Variants in NLGN1 observed in about 807,000 individuals in gnomAD.
The protein encoded by NLGN1 is neuroligin 1.
In NLGN1, 12 loss-of-function variants were observed where a neutral mutation model predicts 65.5. That is an observed-to-expected ratio of 0.18 (90% CI 0.12 to 0.30). NLGN1 has a LOEUF of 0.30. NLGN1 is among the 10% of genes least tolerant of loss of function. NLGN1 has a pLI of 1.00. For synonymous variants in NLGN1, 350 were observed against 359.5 expected, an observed-to-expected ratio of 0.97 and a Z score of 0.30; for missense variants, 750 against 1,007.1, an observed-to-expected ratio of 0.74 and a Z score of 3.46.
intron 2 of NLGN1, among the ~76,000 whole-genome samples, chr3:173,440,510 C>T (rs570605767): frequency 3.8e-4 from 58 of 152,148 alleles, no homozygotes; most frequent in Non-Finnish European, 6.3e-4. Flanking sequence ...GTTGAAATTC[C>T]CTCTTAATCT....
chr3:173,476,562 G>A (rs913198040), intron 2 of NLGN1, among the ~76,000 whole-genome samples: 3 of 152,146 alleles, frequency 2.0e-5, no homozygotes, highest in Non-Finnish European at 2.9e-5. Flanking sequence ...AGCGTTTGGG[G>A]AACTGTGTAA....
intron 2 of NLGN1, among the ~76,000 whole-genome samples, chr3:173,505,043 C>T (rs755666278): frequency 1.3e-5 from 2 of 151,776 alleles, no homozygotes; most frequent in East Asian, 1.9e-4. Context: ...TATGCCCTTC[C>T]CCCACCCCTT....
intron 4 of NLGN1, among the ~76,000 whole-genome samples, chr3:173,849,089 T>C (rs1170609243): frequency 1.3e-5 from 2 of 152,144 alleles, no homozygotes; most frequent in African/African-American, 4.8e-5. Context: ...CCTTGGACTA[T>C]AGATAATTTT....
chr3:173,664,183 A>T (rs1761375985), intron 3 of NLGN1, among the ~76,000 whole-genome samples: 1 of 152,076 alleles, frequency 6.6e-6, no homozygotes, highest in Non-Finnish European at 1.5e-5. Flanking sequence ...TTTCTGAATA[A>T]TAAAAATCAT....
At chr3:173,610,338 T>G (rs1752094261) in intron 3 of NLGN1, among the ~76,000 whole-genome samples, 2 of 151,914 alleles carry the variant, frequency 1.3e-5, no homozygotes, top group Admixed American at 1.3e-4. Context: ...TAAGTTTAGT[T>G]TTGGACATGT....
At chr3:173,847,657 A>T (rs1183448436) in intron 4 of NLGN1, among the ~76,000 whole-genome samples, 2 of 152,276 alleles carry the variant, frequency 1.3e-5, no homozygotes, top group East Asian at 3.9e-4. Context: ...AGATCACCTG[A>T]GGGCAGGAGT....
intron 4 of NLGN1, among the ~76,000 whole-genome samples, chr3:174,068,232 A>T (rs1011557744): frequency 6.6e-6 from 1 of 152,056 alleles, no homozygotes; most frequent in African/African-American, 2.4e-5. Context: ...TCTTGAGGAC[A>T]CATTAGGTAG....
chr3:173,848,577 T>G (rs2150722590), intron 4 of NLGN1, among the ~76,000 whole-genome samples: 1 of 152,340 alleles, frequency 6.6e-6, no homozygotes, highest in Non-Finnish European at 1.5e-5. Flanking sequence ...CCCCATTGCT[T>G]TTTGCATTAA....
At chr3:174,096,356 G>A (rs1745531787) in intron 4 of NLGN1, among the ~76,000 whole-genome samples, 1 of 151,752 alleles carries the variant, frequency 6.6e-6, no homozygotes, top group Non-Finnish European at 1.5e-5. Flanking sequence ...CGCAGAACAT[G>A]GGTTGATTTA....
chr3:173,866,225 T>G (rs1730136436), intron 4 of NLGN1, among the ~76,000 whole-genome samples: 1 of 152,162 alleles, frequency 6.6e-6, no homozygotes, highest in Non-Finnish European at 1.5e-5. Flanking sequence ...GAGCAGGCAT[T>G]TGAAAACAGT....
intron 2 of NLGN1, among the ~76,000 whole-genome samples, chr3:173,489,581 A>G (rs1328567389): frequency 6.6e-6 from 1 of 152,018 alleles, no homozygotes; most frequent in Non-Finnish European, 1.5e-5. Flanking sequence ...ATGATTTATA[A>G]TCCTTTGGGT....
At chr3:173,828,498 A>G (rs1458603135) in intron 4 of NLGN1, among the ~76,000 whole-genome samples, 1 of 152,140 alleles carries the variant, frequency 6.6e-6, no homozygotes, top group Non-Finnish European at 1.5e-5. Context: ...TGATCTAGGT[A>G]TTGGACACAG....
chr3:173,966,540 G>T (rs1018520579), intron 4 of NLGN1, among the ~76,000 whole-genome samples: 2 of 152,056 alleles, frequency 1.3e-5, no homozygotes, highest in African/African-American at 2.4e-5. Context: ...TGTAGATATC[G>T]GTTTAAGAAT....
rs1003734428 is a variant in NLGN1, at chr3:173,873,574, T to G, written c.646+65742T>G. Among the ~76,000 whole-genome samples the G allele has an allele frequency of 1.1e-4, 16 of 152,190 alleles. No individual in the cohort carries two copies. In the East Asian group the frequency reaches 2.3e-3, roughly 22 times the overall value. On this transcript the variant is annotated intron_variant, in intron 4 of 6. Transcript: ENST00000457714. The stretch of plus-strand genomic sequence containing the variant: ...ATAAAACAAGAAATTATTTAAAAAT[T>G]TTATTGTATTTCAATGTGGATTTAT...
At chr3:173,523,570 T>C (rs911790580) in intron 2 of NLGN1, among the ~76,000 whole-genome samples, 2 of 151,720 alleles carry the variant, frequency 1.3e-5, no homozygotes, top group African/African-American at 4.8e-5. Flanking sequence ...GTTATAGATA[T>C]GTGGCTTTAT....
At chr3:174,007,639 A>C (rs1338024189) in intron 4 of NLGN1, among the ~76,000 whole-genome samples, 1 of 152,242 alleles carries the variant, frequency 6.6e-6, no homozygotes, top group Non-Finnish European at 1.5e-5. Flanking sequence ...CTAACGAGAC[A>C]TGCATATTTA....
intron 2 of NLGN1, among the ~76,000 whole-genome samples, chr3:173,520,860 T>C (rs919653686): frequency 4.2e-4 from 64 of 152,294 alleles, no homozygotes; most frequent in African/African-American, 1.5e-3. Flanking sequence ...TTGAATACAA[T>C]AGATGAAAAG....
intron 2 of NLGN1, among the ~76,000 whole-genome samples, chr3:173,565,065 T>C (rs1186509592): frequency 6.6e-6 from 1 of 152,094 alleles, no homozygotes; most frequent in Non-Finnish European, 1.5e-5. Context: ...CCCAGGATGA[T>C]AAGGATGAGA....
chr3:173,604,196 T>C (rs3843053), intron 2 of NLGN1, 83 bp from the exon 2 acceptor site: 123,621 of 166,450 alleles, frequency 0.74, 46,433 homozygotes, highest in Non-Finnish European at 0.8. Flanking sequence ...TATTAATGTA[T>C]TTCTGTAGAT....
Sources: allele counts gnomAD v4.1 joint callset (sites outside exome capture counted in the v4.1 genomes callset), GRCh38; gene constraint gnomAD v4.1.1; transcripts MANE v1.5; gene names NCBI Gene and HGNC (gene_info 2026-07-23, HGNC 2026-07-21).